The following TBC1D32 variants were observed in gnomAD, a reference collection of about 807,000 sequenced individuals.
TBC1D32 encodes the protein TBC1 domain family member 32, also known as protein broad-minded.
In TBC1D32, 151 loss-of-function variants were observed where a neutral mutation model predicts 170.3. That is an observed-to-expected ratio of 0.89 (90% CI 0.78 to 1.01). The LOEUF (loss-of-function observed/expected upper bound fraction) is 1.01. TBC1D32 is among the 50% of genes least tolerant of loss of function. TBC1D32 has a pLI of 0.00. For missense variants in TBC1D32, 1,464 were observed against 1,457.1 expected, an observed-to-expected ratio of 1.00 and a Z score of -0.08; for synonymous variants, 498 against 488.0, an observed-to-expected ratio of 1.02 and a Z score of -0.27.
chr6:121,326,853 G>A (rs1810519919), intron 1 of TBC1D32, among the ~76,000 whole-genome samples: 1 of 152,024 alleles, frequency 6.6e-6, no homozygotes, highest in African/African-American at 2.4e-5. Flanking sequence ...GTATTCTACT[G>A]ACTCAGGGAC....
chr6:121,265,794 G>A (rs1477331738), intron 15 of TBC1D32, among the ~76,000 whole-genome samples: 1 of 152,040 alleles, frequency 6.6e-6, no homozygotes, highest in East Asian at 1.9e-4. Flanking sequence ...TTTGATCTTT[G>A]ACAAACCTAA....
intron 30 of TBC1D32, among the ~76,000 whole-genome samples, chr6:121,102,350 T>C (rs1778207351): frequency 6.6e-6 from 1 of 152,120 alleles, no homozygotes; most frequent in Admixed American, 6.6e-5. Flanking sequence ...ACTACAAGGC[T>C]ACAGTAACCA....
chr6:121,284,499 C>A (rs1360099981), intron 12 of TBC1D32, among the ~76,000 whole-genome samples: 2 of 152,086 alleles, frequency 1.3e-5, no homozygotes, highest in Non-Finnish European at 2.9e-5. Flanking sequence ...ACAAAACACC[C>A]TTTTCTGAAC....
intron 1 of TBC1D32, among the ~76,000 whole-genome samples, chr6:121,325,149 T>A (rs1434100503): frequency 1.3e-5 from 2 of 151,294 alleles, no homozygotes; most frequent in Non-Finnish European, 2.9e-5. Flanking sequence ...GAGGTGGAAG[T>A]TGCAGTGAGC....
At chr6:121,239,334 G>C in intron 19 of TBC1D32, 146 bp from the exon 20 acceptor site, 1 of 449,214 alleles carries the variant, frequency 2.2e-6, no homozygotes, top group Non-Finnish European at 4.0e-6. Flanking sequence ...ATCTCTTCTT[G>C]GTAGAAATTA....
At chr6:121,294,540 A>G (rs762929982) in intron 11 of TBC1D32, 30 bp downstream of exon 11, 2 of 1,514,870 alleles carry the variant, frequency 1.3e-6, no homozygotes, top group Non-Finnish European at 1.8e-6. Flanking sequence ...ACCATTTTTA[A>G]AAGTATGTAA....
intron 19 of TBC1D32, among the ~76,000 whole-genome samples, chr6:121,240,422 T>C (rs2128359546): frequency 7.2e-6 from 1 of 138,724 alleles, no homozygotes; most frequent in South Asian, 2.4e-4. Context: ...GTAGTCCAAA[T>C]TAGTTCAGCC....
At chr6:121,293,469 C>T (rs991960406) in intron 11 of TBC1D32, among the ~76,000 whole-genome samples, 10 of 152,026 alleles carry the variant, frequency 6.6e-5, no homozygotes, top group African/African-American at 1.9e-4. Context: ...TATAAGATAT[C>T]GTCATACTCT....
At chr6:121,274,826 G>A (rs944566449) in intron 15 of TBC1D32, among the ~76,000 whole-genome samples, 1 of 152,140 alleles carries the variant, frequency 6.6e-6, no homozygotes, top group African/African-American at 2.4e-5. Flanking sequence ...AGGTGGGAAG[G>A]CTCAAAAACA....
chr6:121,131,020 T>C (rs1304079823), intron 25 of TBC1D32, among the ~76,000 whole-genome samples: 1 of 152,094 alleles, frequency 6.6e-6, no homozygotes, highest in Non-Finnish European at 1.5e-5. Flanking sequence ...GCTGATAAAG[T>C]ACACAATACC....
At chr6:121,307,449 A>G (rs189107834) in intron 5 of TBC1D32, among the ~76,000 whole-genome samples, 3 of 152,328 alleles carry the variant, frequency 2.0e-5, no homozygotes, top group Admixed American at 2.0e-4. Context: ...GTAGCAGTGT[A>G]TTATTTGGCA....
At chr6:121,104,496 T>C (rs918401771) in intron 30 of TBC1D32, among the ~76,000 whole-genome samples, 7 of 151,654 alleles carry the variant, frequency 4.6e-5, no homozygotes, top group Admixed American at 2.6e-4. Flanking sequence ...TAAACAATTA[T>C]GTAGAATTAT....
At chr6:121,261,718 T>C (rs1206390159) in intron 15 of TBC1D32, among the ~76,000 whole-genome samples, 1 of 152,168 alleles carries the variant, frequency 6.6e-6, no homozygotes, top group African/African-American at 2.4e-5. Context: ...CCAGATTGTC[T>C]CTTTTCCTCC....
intron 1 of TBC1D32, among the ~76,000 whole-genome samples, chr6:121,325,314 A>G (rs1810306672): frequency 6.6e-6 from 1 of 152,162 alleles, no homozygotes; most frequent in Non-Finnish European, 1.5e-5. Flanking sequence ...CAATTCCATA[A>G]AAGTATCACT....
chr6:121,308,047 TGAG>T lies in TBC1D32; in HGVS notation c.616_618del (p.Leu206del), dbSNP rs779965106. 2.5e-6 allele frequency: 4 copies of T among 1,613,894 alleles called. No homozygotes were observed. Among genetic ancestry groups the T allele is most frequent in the Non-Finnish European group, 2.5e-6 (3 of 1,179,890 alleles). ...CAGAGAGTAGTCCAATTTTCACAGTTGAGGACATCAGATGGAGGAGCTGAACAT... is the reference window on the plus strand; with the variant it reads ...CAGAGAGTAGTCCAATTTTCACAGTTGACATCAGATGGAGGAGCTGAACAT... On this transcript the variant is annotated inframe_deletion, in exon 5 of 32. Transcript: ENST00000398212.
At chr6:121,239,028 T>C (rs759603375) in intron 20 of TBC1D32, 42 bp downstream of exon 20, 1 of 1,123,370 alleles carries the variant, frequency 8.9e-7, no homozygotes, top group Non-Finnish European at 1.3e-6. Flanking sequence ...TTCTGTGAAA[T>C]ACTTTTCAAA....
At chr6:121,270,312 T>A (rs1445119814) in intron 15 of TBC1D32, among the ~76,000 whole-genome samples, 1 of 151,978 alleles carries the variant, frequency 6.6e-6, no homozygotes, top group East Asian at 1.9e-4. Flanking sequence ...TCAAAAAAAA[T>A]CAATGAATCC....
At chr6:121,156,574 GT>G (rs200455674) in intron 24 of TBC1D32, among the ~76,000 whole-genome samples, 1 of 151,260 alleles carries the variant, frequency 6.6e-6, no homozygotes, top group Non-Finnish European at 1.5e-5. Flanking sequence ...AGTCAGGTGG[GT>G]TTTTTTTCCA....
chr6:121,285,979 C>T (rs1803747302), intron 12 of TBC1D32, among the ~76,000 whole-genome samples: 1 of 152,032 alleles, frequency 6.6e-6, no homozygotes, highest in Non-Finnish European at 1.5e-5. Flanking sequence ...ACACCAAAAC[C>T]CCATCTATAC....
Sources: gnomAD v4.1 joint callset for allele counts (sites outside exome capture counted in the v4.1 genomes callset) on GRCh38, gnomAD v4.1.1 for gene constraint, MANE v1.5 for transcripts, NCBI Gene and HGNC (gene_info 2026-07-23, HGNC 2026-07-21) for gene names.